The following NCKAP1 variants were observed in gnomAD, a reference collection of about 807,000 sequenced individuals.
The protein encoded by NCKAP1 is NCK associated protein 1, also known as nck-associated protein 1.
NCKAP1 carries 21 observed loss-of-function variants against 151.2 expected under a neutral mutation model. That is an observed-to-expected ratio of 0.14 (90% CI 0.10 to 0.20). The LOEUF (loss-of-function observed/expected upper bound fraction) is 0.20. Ranked by LOEUF, NCKAP1 falls within the 10% of genes least tolerant of loss-of-function variation. The pLI is 1.00. For synonymous variants in NCKAP1, 484 were observed against 451.8 expected (o/e 1.07, Z -0.90); for missense variants, 933 against 1,352.1 (o/e 0.69, Z 4.86).
chr2:182,988,920 G>T, intron 9 of NCKAP1, 110 bp downstream of exon 9: 1 of 892,162 alleles, frequency 1.1e-6, no homozygotes, highest in Non-Finnish European at 1.7e-6. Flanking sequence ...GATGGTATAG[G>T]CTGTATCTTC....
chr2:183,024,894 G>T lies in NCKAP1; in HGVS notation c.109-978C>A. 2 of 1,472,904 alleles carry T rather than the reference G, an allele frequency of 1.4e-6. 1 individual carries two copies. Among genetic ancestry groups the T allele is most frequent in the Admixed American group, 3.5e-5 (2 of 57,652 alleles). 91.2% of individuals were successfully genotyped at this position (1,472,904 alleles called of 1,614,324 possible). A position where few individuals can be genotyped will look rare whatever the true frequency, so the allele number is the denominator to read the frequency against. ...CATTGTTTACTATGGCTATGTTGTG[G>T]ATTGCAGAAAGAGAAGTTATGAAAC... On this transcript the variant is annotated intron_variant, in intron 1 of 30. Coordinates refer to ENST00000361354, the MANE Select transcript of NCKAP1 (RefSeq NM_013436.5).
intron 25 of NCKAP1, 69 bp from the exon 26 acceptor site, chr2:182,934,901 A>G (rs1406615141): frequency 7.2e-6 from 5 of 697,298 alleles, no homozygotes; most frequent in South Asian, 4.6e-5. Context: ...ACAAAATATT[A>G]CCAATTGATT....
Position 182,989,147 on chromosome 2 carries a change from G to C in NCKAP1, c.830C>G (p.Ala277Gly). The change falls in exon 9 of 31, where the codon GCT (alanine) becomes GGT (glycine). Residue 277 changes from alanine to glycine, a missense_variant. By Grantham distance (60) the Ala-to-Gly change is moderately conservative. Around this residue, in one of 2 missense-constraint regions of NCKAP1, gnomAD observed 607 missense variants for 795.0 expected, o/e 0.76. Transcript: ENST00000361354. ...ILCHGILNTD[A>G]TALNLWKLAL... ...TAGTTTCCAAAGGTTCAGTGCTGTA[G>C]CGTCAGTATTTAGGATCCCATGGCA... is the stretch of plus-strand genomic sequence containing the variant. The C allele has an allele frequency of 1.2e-6, 2 of 1,611,684 alleles. No individual in the cohort carries two copies. Among genetic ancestry groups the C allele is most frequent in the South Asian group, 2.2e-5 (2 of 90,460 alleles).
intron 17 of NCKAP1, among the ~76,000 whole-genome samples, chr2:182,962,658 T>A (rs1697479970): frequency 6.6e-6 from 1 of 152,172 alleles, no homozygotes; most frequent in Non-Finnish European, 1.5e-5. Context: ...CCAATCTTAT[T>A]TCATTTAAAA....
chr2:182,974,274 A>C (rs1425072907), intron 15 of NCKAP1, among the ~76,000 whole-genome samples: 1 of 151,748 alleles, frequency 6.6e-6, no homozygotes, highest in Non-Finnish European at 1.5e-5. Context: ...AAAAAAAAAA[A>C]AAAAAAAGGG....
chr2:182,933,934 C>T (rs1696817008), intron 26 of NCKAP1, among the ~76,000 whole-genome samples: 1 of 152,018 alleles, frequency 6.6e-6, no homozygotes, highest in African/African-American at 2.4e-5. Flanking sequence ...GATTTCATGG[C>T]TCAATAGATT....
intron 18 of NCKAP1, among the ~76,000 whole-genome samples, chr2:182,960,759 G>A (rs1224871781): frequency 6.6e-6 from 1 of 152,156 alleles, no homozygotes. Flanking sequence ...AAGAGCTTCT[G>A]CACAGCAAAA....
chr2:182,981,124 TA>T, intron 13 of NCKAP1, 119 bp downstream of exon 13: 1 of 1,291,616 alleles, frequency 7.7e-7, no homozygotes, highest in Non-Finnish European at 1.1e-6. Context: ...CTCCAAAATA[TA>T]AACATGATTT....
intron 8 of NCKAP1, among the ~76,000 whole-genome samples, chr2:182,992,035 T>C (rs1487891577): frequency 1.3e-5 from 2 of 152,162 alleles, no homozygotes; most frequent in Non-Finnish European, 2.9e-5. Context: ...ATTAAACAGA[T>C]TGTTAAGATC....
chr2:183,032,549 T>C (rs780276524), intron 1 of NCKAP1, among the ~76,000 whole-genome samples: 1 of 152,180 alleles, frequency 6.6e-6, no homozygotes, highest in Non-Finnish European at 1.5e-5. Flanking sequence ...TGGTATGTAT[T>C]TTTGTATCTA....
At chr2:182,942,026 T>A (rs1219664599) in intron 24 of NCKAP1, 44 bp downstream of exon 24, 4 of 1,493,898 alleles carry the variant, frequency 2.7e-6, no homozygotes, top group Non-Finnish European at 3.7e-6. Context: ...ATACTGAGTA[T>A]CAAGATCTTC....
chr2:182,939,406 G>T (rs1015188188), intron 24 of NCKAP1, among the ~76,000 whole-genome samples: 2 of 152,112 alleles, frequency 1.3e-5, no homozygotes, highest in Non-Finnish European at 2.9e-5. Flanking sequence ...GTGCATGCCT[G>T]TAGTCCTAGT....
intron 24 of NCKAP1, among the ~76,000 whole-genome samples, chr2:182,941,021 T>C (rs1369210208): frequency 6.6e-6 from 1 of 152,198 alleles, no homozygotes; most frequent in Non-Finnish European, 1.5e-5. Context: ...AAATATGAAG[T>C]ATGTTAAATA....
At chr2:182,940,097 A>G (rs998052282) in intron 24 of NCKAP1, among the ~76,000 whole-genome samples, 1 of 152,226 alleles carries the variant, frequency 6.6e-6, no homozygotes, top group African/African-American at 2.4e-5. Context: ...AGAGTTAAAT[A>G]AAGTACTGAA....
chr2:182,976,929 A>C lies in NCKAP1; in HGVS notation c.1446T>G (p.Asp482Glu), dbSNP rs763216575. 2 of 1,546,410 alleles carry C rather than the reference A, an allele frequency of 1.3e-6. No homozygotes were observed. Among genetic ancestry groups the C allele is most frequent in the South Asian group, 1.2e-5 (1 of 80,530 alleles). ...ACCAATCTAATCTCATTCCTCTGAAATCAAATACTTCCCCATCTTCAACTG... is the reference window on the plus strand; with the variant it reads ...ACCAATCTAATCTCATTCCTCTGAACTCAAATACTTCCCCATCTTCAACTG... The part of the protein sequence containing the change: ...VKQVEDGEVF[D>E]FRGMRLDWFR... Residue 482 changes from aspartate (D) to glutamate (E), a missense_variant, in exon 15 of 31, where the codon GAT (aspartate) becomes GAG (glutamate). Around this residue, in one of 2 missense-constraint regions of NCKAP1, gnomAD observed 607 missense variants for 795.0 expected, o/e 0.76. Transcript: ENST00000361354.
intron 15 of NCKAP1, among the ~76,000 whole-genome samples, chr2:182,973,381 T>C (rs1456668495): frequency 1.3e-5 from 2 of 151,988 alleles, no homozygotes; most frequent in East Asian, 3.9e-4. Flanking sequence ...CGAGAGAAGA[T>C]ATTTGAAAGA....
At chr2:182,989,987 C>A (rs886680936) in intron 8 of NCKAP1, among the ~76,000 whole-genome samples, 2 of 150,224 alleles carry the variant, frequency 1.3e-5, no homozygotes, top group Admixed American at 1.3e-4. Flanking sequence ...AAGACTCTGT[C>A]TCAAAAAATA....
At chr2:183,032,254 C>G (rs1349876529) in intron 1 of NCKAP1, among the ~76,000 whole-genome samples, 1 of 152,170 alleles carries the variant, frequency 6.6e-6, no homozygotes, top group Non-Finnish European at 1.5e-5. Flanking sequence ...TAGAATCTAG[C>G]TCTCTCAACT....
intron 19 of NCKAP1, chr2:182,956,980 AT>A (rs1697341325): frequency 6.0e-6 from 1 of 166,842 alleles, no homozygotes; most frequent in African/African-American, 2.4e-5. Context: ...TAAACAAAAA[AT>A]ATTTACCGAA....
Sources: allele counts gnomAD v4.1 joint callset (sites outside exome capture counted in the v4.1 genomes callset), GRCh38; gene constraint gnomAD v4.1.1; regional missense constraint gnomAD v4.1.1; transcripts MANE v1.5; gene names NCBI Gene and HGNC (gene_info 2026-07-23, HGNC 2026-07-21).